Variants in HIP1 observed in about 807,000 individuals in gnomAD.
HIP1 encodes huntingtin interacting protein 1.
Under a neutral mutation model 147.6 loss-of-function variants are expected in HIP1, and 65 were observed. The ratio of observed to expected loss-of-function variants is 0.44; its 90% CI spans 0.36 to 0.54. HIP1 has a LOEUF of 0.54. HIP1 is among the 20% of genes least tolerant of loss of function. The pLI is 0.00. For synonymous variants in HIP1, 479 were observed against 504.0 expected (o/e 0.95, Z 0.67); for missense variants, 1,061 against 1,299.6 (o/e 0.82, Z 2.82).
chr7:75,612,426 T>C (rs1554505191), intron 1 of HIP1, among the ~76,000 whole-genome samples: 1 of 151,892 alleles, frequency 6.6e-6, no homozygotes, highest in Non-Finnish European at 1.5e-5. Context: ...GGAGAATCAC[T>C]TGAACCCACG....
At chr7:75,553,876 C>A (rs926861114) in intron 21 of HIP1, among the ~76,000 whole-genome samples, 3 of 151,998 alleles carry the variant, frequency 2.0e-5, no homozygotes, top group African/African-American at 7.3e-5. Context: ...AGTGTTACGG[C>A]GATTACAGGC....
In HIP1 at chr7:75,558,245, T is replaced by C; in HGVS notation, c.1386A>G (p.Gln462=). The C allele has an allele frequency of 2.5e-6, 4 of 1,614,080 alleles. No individual in the cohort carries two copies. The highest frequency in any genetic ancestry group is 3.4e-6 in the Non-Finnish European group (4 of 1,179,900). The change falls in exon 15 of 31, where the codon CAA becomes CAG. Residue 462 remains glutamine (Q), a synonymous_variant. Coordinates refer to ENST00000336926, the MANE Select transcript of HIP1 (RefSeq NM_005338.7). ...RSLSEIERKA[Q]ANEQRYSKLK... Reference sequence around the variant, plus strand: ...GCTTGCTATATCGCTGTTCATTGGCTTGAGCTTTCCCTGTATTGTAAAGGA... The same window carrying C: ...GCTTGCTATATCGCTGTTCATTGGCCTGAGCTTTCCCTGTATTGTAAAGGA...
At chr7:75,736,974 G>A (rs1245322866) in intron 1 of HIP1, among the ~76,000 whole-genome samples, 2 of 151,896 alleles carry the variant, frequency 1.3e-5, no homozygotes, top group African/African-American at 4.8e-5. Context: ...CCAGGCTGGA[G>A]TGCAGTGGCA....
At chr7:75,546,092 T>C (rs1401196053) in intron 25 of HIP1, among the ~76,000 whole-genome samples, 2 of 152,200 alleles carry the variant, frequency 1.3e-5, no homozygotes, top group Non-Finnish European at 2.9e-5. Flanking sequence ...ATGACATTTC[T>C]GTATTGTATA....
At chr7:75,647,484 G>A (rs910952786) in intron 1 of HIP1, among the ~76,000 whole-genome samples, 1 of 152,160 alleles carries the variant, frequency 6.6e-6, no homozygotes, top group Non-Finnish European at 1.5e-5. Context: ...TAGGAGTCTG[G>A]TTCTAGTCCT....
rs1554489082 is a variant in HIP1 at position 75,537,940 on chromosome 7, C to T, written c.*232G>A. The T allele has an allele frequency of 1.8e-6, 1 of 570,776 alleles. No individual in the cohort carries two copies. The highest frequency in any genetic ancestry group is 3.0e-5 in the East Asian group (1 of 33,820). The allele number at this position is 570,776 out of a possible 1,614,324, so 35.4% of individuals were successfully genotyped here. On this transcript the variant is annotated 3_prime_UTR_variant, in exon 31 of 31. Transcript: ENST00000336926. Reference sequence around the variant, plus strand: ...TTGCTCATGGGCAGCACTGGCCAGCCTGGATGCTAACTAGGGAGGCGGGAA... The same window carrying T: ...TTGCTCATGGGCAGCACTGGCCAGCTTGGATGCTAACTAGGGAGGCGGGAA...
At chr7:75,661,256 T>G (rs1799302598) in intron 1 of HIP1, among the ~76,000 whole-genome samples, 2 of 136,302 alleles carry the variant, frequency 1.5e-5, no homozygotes, top group African/African-American at 5.5e-5. Context: ...CCAGCCTAGG[T>G]GACAAAATGA....
At chr7:75,636,826 C>T (rs1554509760) in intron 1 of HIP1, among the ~76,000 whole-genome samples, 1 of 152,222 alleles carries the variant, frequency 6.6e-6, no homozygotes, top group East Asian at 1.9e-4. Flanking sequence ...GGGCCAGGGT[C>T]AGAATGCCTT....
chr7:75,545,120 G>A lies in HIP1; in HGVS notation c.2628C>T (p.Ser876=), dbSNP rs1207279948. 1.2e-6 allele frequency: 2 copies of A among 1,610,642 alleles called. No individual in the cohort carries two copies. Among genetic ancestry groups the A allele is most frequent in the East Asian group, 4.5e-5 (2 of 44,860 alleles). The part of the protein sequence containing the change: ...SRWTEGLISA[S]KAVGWGATVM... ...CAGTGGCTCCCCAGCCCACAGCCTT[G>A]GAGGCTGAGATAAGTCCTTCTGTCC... The change falls in exon 26 of 31, where the codon TCC becomes TCT. Residue 876 remains serine (S), a synonymous_variant. Coordinates refer to ENST00000336926, the MANE Select transcript of HIP1 (RefSeq NM_005338.7).
chr7:75,732,968 C>T (rs1254955239), intron 1 of HIP1, among the ~76,000 whole-genome samples: 1 of 152,162 alleles, frequency 6.6e-6, no homozygotes, highest in Non-Finnish European at 1.5e-5. Context: ...CTCACGAGCC[C>T]CCCAGAGCCG....
chr7:75,592,013 G>GA (rs1796516218), intron 4 of HIP1, 43 bp downstream of exon 4: 1 of 1,504,026 alleles, frequency 6.6e-7, no homozygotes, highest in Non-Finnish European at 9.3e-7. Flanking sequence ...TCTGAGGAAG[G>GA]AAAGGAGAAG....
intron 2 of HIP1, among the ~76,000 whole-genome samples, chr7:75,594,422 C>T (rs1338850070): frequency 5.3e-5 from 8 of 152,020 alleles, no homozygotes; most frequent in African/African-American, 1.7e-4. Flanking sequence ...ACCACTTCTC[C>T]CCAGGCCTGA....
chr7:75,703,846 A>C (rs1295759628), intron 1 of HIP1, among the ~76,000 whole-genome samples: 1 of 152,200 alleles, frequency 6.6e-6, no homozygotes, highest in Non-Finnish European at 1.5e-5. Context: ...TAAACAAATC[A>C]GCTCTAAAGG....
At chr7:75,666,057 A>G (rs1799550750) in intron 1 of HIP1, among the ~76,000 whole-genome samples, 2 of 152,074 alleles carry the variant, frequency 1.3e-5, no homozygotes, top group African/African-American at 4.8e-5. Context: ...AGTTGCACAG[A>G]GGTGGCTGCC....
intron 2 of HIP1, among the ~76,000 whole-genome samples, chr7:75,598,251 G>A (rs1796826763): frequency 6.6e-6 from 1 of 151,888 alleles, no homozygotes; most frequent in African/African-American, 2.4e-5. Context: ...ACAAAAATTA[G>A]CCGGGTGTGG....
chr7:75,678,966 T>C (rs1799980088), intron 1 of HIP1, among the ~76,000 whole-genome samples: 1 of 152,218 alleles, frequency 6.6e-6, no homozygotes, highest in African/African-American at 2.4e-5. Context: ...ATGGGATGTT[T>C]GGTTCTCCTA....
intron 1 of HIP1, among the ~76,000 whole-genome samples, chr7:75,663,951 CAT>C (rs1204212809): frequency 3.6e-5 from 4 of 112,244 alleles, no homozygotes; most frequent in African/African-American, 1.1e-4. Flanking sequence ...TATATATACA[CAT>C]ATATGTGTAT....
chr7:75,659,163 T>C (rs1393475591), intron 1 of HIP1, among the ~76,000 whole-genome samples: 1 of 152,158 alleles, frequency 6.6e-6, no homozygotes, highest in Non-Finnish European at 1.5e-5. Context: ...ATCTTGCAAA[T>C]GGCTTTCCCC....
At chr7:75,570,136 G>A (rs1795564949) in intron 8 of HIP1, among the ~76,000 whole-genome samples, 1 of 151,616 alleles carries the variant, frequency 6.6e-6, no homozygotes, top group South Asian at 2.1e-4. Context: ...GTTTCGCCGT[G>A]TTGGCCAGGA....
Sources: gnomAD v4.1 joint callset for allele counts (sites outside exome capture counted in the v4.1 genomes callset) on GRCh38, gnomAD v4.1.1 for gene constraint, MANE v1.5 for transcripts, NCBI Gene and HGNC (gene_info 2026-07-23, HGNC 2026-07-21) for gene names.